HEPHL1: variants seen among roughly 807,000 people sequenced by gnomAD.
The protein encoded by HEPHL1 is ferroxidase HEPHL1.
A neutral mutation model predicts 122.0 loss-of-function variants in HEPHL1; 123 were observed. The ratio of observed to expected loss-of-function variants is 1.01; its 90% confidence interval spans 0.87 to 1.17. The LOEUF is 1.17. Among genes scored for constraint, HEPHL1 ranks in the 50% most tolerant of loss-of-function variants. The probability of loss-of-function intolerance (pLI) is 0.00; values close to 1 mark genes in which losing one functional copy is unlikely to be tolerated. For missense variants in HEPHL1, 1,452 were observed against 1,430.5 expected (o/e 1.01, Z -0.24); for synonymous variants, 527 against 508.9 (o/e 1.04, Z -0.48).
chr11:94,112,071 TA>T lies in HEPHL1; in HGVS notation c.*180del. 2.3e-6 allele frequency: 1 copy of T among 438,540 alleles called. No individual in the cohort carries two copies. The highest frequency in any genetic ancestry group is 8.3e-5 in the South Asian group (1 of 12,028). 27.2% of individuals were successfully genotyped at this position (438,540 alleles called of 1,614,324 possible). Reference sequence around the variant, plus strand: ...CAATTTGCTTTTATTTATTTATTTTTAAATGGGCTGCGAATAATCCTCAGGT... The same window carrying T: ...CAATTTGCTTTTATTTATTTATTTTTAATGGGCTGCGAATAATCCTCAGGT... On this transcript the variant is annotated 3_prime_UTR_variant, in exon 20 of 20. Transcript: ENST00000315765.
intron 15 of HEPHL1, among the ~76,000 whole-genome samples, chr11:94,104,006 AAAT>A (rs754617111): frequency 6.6e-6 from 1 of 152,232 alleles, no homozygotes; most frequent in Non-Finnish European, 1.5e-5. Flanking sequence ...CTTTGTGGGA[AAAT>A]AATATGTCCA....
chr11:94,061,637 A>G (rs1373753239), intron 2 of HEPHL1, among the ~76,000 whole-genome samples: 1 of 152,196 alleles, frequency 6.6e-6, no homozygotes, highest in Non-Finnish European at 1.5e-5. Context: ...GATAAGTATC[A>G]AGTGAGAAAG....
chr11:94,056,049 A>G, intron 2 of HEPHL1: 1 of 468,954 alleles, frequency 2.1e-6, no homozygotes, highest in Non-Finnish European at 3.7e-6. Flanking sequence ...TCCTTCCTGT[A>G]TTTTGATGCA....
chr11:94,084,060 C>T (rs1946195957), intron 10 of HEPHL1, among the ~76,000 whole-genome samples: 2 of 152,114 alleles, frequency 1.3e-5, no homozygotes, highest in South Asian at 4.2e-4. Context: ...CACTGTGGCT[C>T]ATGCCTGTAA....
At chr11:94,108,216 A>C (rs1000342946) in intron 17 of HEPHL1, among the ~76,000 whole-genome samples, 12 of 152,040 alleles carry the variant, frequency 7.9e-5, no homozygotes, top group African/African-American at 2.4e-4. Context: ...TCTTTGGTGA[A>C]GTGTCCAAAT....
At position 94,082,539 on chromosome 11, in the gene HEPHL1, A is replaced by C; in HGVS notation, c.1838A>C (p.Lys613Thr). The C allele has an allele frequency of 6.2e-7, 1 of 1,612,330 alleles. No individual in the cohort carries two copies. The highest frequency in any genetic ancestry group is 8.5e-7 in the Non-Finnish European group (1 of 1,179,400). The change falls in exon 10 of 20, where the codon AAA becomes ACA. Residue 613 changes from lysine (K) to threonine (T), a missense_variant. Lys to Thr is a moderately conservative substitution (Grantham distance 78). Coordinates refer to ENST00000315765, the MANE Select transcript of HEPHL1 (RefSeq NM_001098672.2). ...CCCTTCAGCATTGACAAAGAAGATA[A>C]AGAGTTTGTGAAATCCAACCGAATG... ...WHPFSIDKED[K>T]EFVKSNRMHA...
At chr11:94,060,179 G>A (rs547692493) in intron 2 of HEPHL1, among the ~76,000 whole-genome samples, 3 of 135,624 alleles carry the variant, frequency 2.2e-5, no homozygotes, top group East Asian at 4.4e-4. Flanking sequence ...TTGAAGATAC[G>A]ATCATGAGCA....
chr11:94,064,571 G>C, intron 4 of HEPHL1, 61 bp downstream of exon 4: 1 of 1,145,480 alleles, frequency 8.7e-7, no homozygotes, highest in Non-Finnish European at 1.3e-6. Context: ...GGTACTACAA[G>C]GGATAAAAAA....
intron 2 of HEPHL1, chr11:94,056,079 C>T: frequency 5.6e-6 from 2 of 355,512 alleles, no homozygotes; most frequent in Admixed American, 4.6e-5. Context: ...GATATGAATA[C>T]ATTTATAATG....
chr11:94,056,656 A>ATATCTAT (rs1449923069), intron 2 of HEPHL1, among the ~76,000 whole-genome samples: 5 of 106,928 alleles, frequency 4.7e-5, no homozygotes, highest in Non-Finnish European at 9.8e-5. Flanking sequence ...GCTATTATTG[A>ATATCTAT]TTATCTATCT....
chr11:94,046,144 G>GA (rs1945836330), intron 2 of HEPHL1, among the ~76,000 whole-genome samples: 1 of 109,412 alleles, frequency 9.1e-6, no homozygotes, highest in Admixed American at 1.5e-4. Context: ...GCCCAGGCTG[G>GA]AATGCAGTGG....
At chr11:94,032,937 C>T (rs1209566402) in intron 1 of HEPHL1, among the ~76,000 whole-genome samples, 1 of 152,116 alleles carries the variant, frequency 6.6e-6, no homozygotes, top group African/African-American at 2.4e-5. Context: ...ATGCGTACAG[C>T]TCCAGTAAAC....
rs528184360 is a variant in HEPHL1 at position 94,085,156 on chromosome 11, G to A, written c.1868-821G>A. On this transcript the variant is annotated intron_variant, in intron 10 of 19. Coordinates refer to ENST00000315765, the MANE Select transcript of HEPHL1 (RefSeq NM_001098672.2). ...TATGTGCATTTACCAGTCAGACATT[G>A]CGTTATATCATGGCTTTCATCCCCA... Among the ~76,000 whole-genome samples the A allele has an allele frequency of 7.8e-4, 119 of 152,282 alleles. 1 individual carries two copies. The highest frequency in any genetic ancestry group is 2.7e-3 in the African/African-American group (112 of 41,564).
At chr11:94,067,812 C>T in intron 5 of HEPHL1, 62 bp downstream of exon 5, 2 of 1,498,902 alleles carry the variant, frequency 1.3e-6, no homozygotes, top group East Asian at 2.3e-5. Context: ...CACACAGTCA[C>T]TAGTGCTCAT....
chr11:94,052,955 G>A (rs547127083), intron 2 of HEPHL1, among the ~76,000 whole-genome samples: 14 of 152,126 alleles, frequency 9.2e-5, no homozygotes, highest in Non-Finnish European at 1.6e-4. Context: ...GTTTGTATCT[G>A]ATTTTGTTGT....
intron 2 of HEPHL1, chr11:94,055,384 C>A: frequency 4.6e-6 from 1 of 219,506 alleles, no homozygotes; most frequent in South Asian, 6.6e-5. Flanking sequence ...TCTGCAAGGT[C>A]GTTGCTAACC....
chr11:94,110,832 C>T, intron 17 of HEPHL1, 71 bp from the exon 18 acceptor site: 8 of 1,255,516 alleles, frequency 6.4e-6, no homozygotes, highest in South Asian at 1.5e-5. Flanking sequence ...TTTGTTTTTG[C>T]TCTTCTTTCT....
intron 5 of HEPHL1, among the ~76,000 whole-genome samples, chr11:94,069,102 G>A (rs1047457653): frequency 5.3e-5 from 8 of 152,096 alleles, no homozygotes; most frequent in African/African-American, 1.9e-4. Flanking sequence ...GTTAAATCTG[G>A]GAAGAAACTG....
At chr11:94,037,279 G>A (rs1462261472) in intron 1 of HEPHL1, among the ~76,000 whole-genome samples, 1 of 151,902 alleles carries the variant, frequency 6.6e-6, no homozygotes, top group Non-Finnish European at 1.5e-5. Flanking sequence ...CAAGGCGGCA[G>A]CGAGGCTGGG....
Sources: gnomAD v4.1 joint callset for allele counts (sites outside exome capture counted in the v4.1 genomes callset) on GRCh38, gnomAD v4.1.1 for gene constraint, MANE v1.5 for transcripts, NCBI Gene and HGNC (gene_info 2026-07-23, HGNC 2026-07-21) for gene names.